Variants in SLC35F5 observed in about 807,000 individuals in gnomAD.
The protein encoded by SLC35F5 is HCV NS5A-transactivated protein 3.
In SLC35F5, 54 loss-of-function variants were observed where a neutral mutation model predicts 68.6. The ratio of observed to expected loss-of-function variants is 0.79; its 90% confidence interval spans 0.63 to 0.99. The LOEUF is 0.99. SLC35F5 is among the 50% of genes least tolerant of loss of function. SLC35F5 has a pLI of 0.00. For synonymous variants in SLC35F5, 211 were observed against 205.2 expected, an observed-to-expected ratio of 1.03 and a Z score of -0.24; for missense variants, 567 against 626.9, an observed-to-expected ratio of 0.90 and a Z score of 1.02.
intron 11 of SLC35F5, 136 bp downstream of exon 11, chr2:113,729,265 T>G (rs747726273): frequency 4.4e-4 from 243 of 547,622 alleles, no homozygotes; most frequent in Non-Finnish European, 1.5e-4. Context: ...GGGACTGGCC[T>G]TCATAATCTT....
intron 14 of SLC35F5, among the ~76,000 whole-genome samples, chr2:113,718,749 C>T (rs1017244045): frequency 6.6e-6 from 1 of 150,748 alleles, no homozygotes; most frequent in Non-Finnish European, 1.5e-5. Context: ...GAGCTGAGAT[C>T]GTGCCATTGC....
intron 6 of SLC35F5, 138 bp downstream of exon 6, chr2:113,743,575 A>G: frequency 1.8e-6 from 1 of 570,844 alleles, no homozygotes; most frequent in African/African-American, 1.8e-5. Context: ...ATCCAGTCAA[A>G]CTTCTAGAAG....
chr2:113,733,327 T>G, intron 9 of SLC35F5: 1 of 299,934 alleles, frequency 3.3e-6, no homozygotes, highest in South Asian at 2.9e-5. Context: ...CTACCTACTT[T>G]AATGAGAAGA....
chr2:113,717,856 GAAA>G lies in SLC35F5; in HGVS notation c.1497-9_1497-7del. Reference sequence around the variant, plus strand: ...GTTCGCTGTCTTCTGGAACTCTTAAGAAAAAAAAAAGCAGTAATTAAGGAAAGC... The same window carrying G: ...GTTCGCTGTCTTCTGGAACTCTTAAGAAAAAAAGCAGTAATTAAGGAAAGC... On this transcript the variant is annotated splice_polypyrimidine_tract_variant and splice_region_variant and intron_variant, in intron 14 of 15. Transcript: ENST00000245680. 7.0e-7 allele frequency: 1 copy of G among 1,433,994 alleles called. No individual in the cohort carries two copies. Among genetic ancestry groups the G allele is most frequent in the South Asian group, 1.3e-5 (1 of 75,734 alleles). 88.8% of individuals were successfully genotyped at this position (1,433,994 alleles called of 1,614,324 possible).
intron 14 of SLC35F5, among the ~76,000 whole-genome samples, chr2:113,718,941 AAGG>A (rs1251787071): frequency 6.7e-6 from 1 of 149,602 alleles, no homozygotes; most frequent in Non-Finnish European, 1.5e-5. Context: ...GAAAGGAAGA[AAGG>A]AAGGAAGGAA....
intron 9 of SLC35F5, 31 bp downstream of exon 9, chr2:113,734,555 G>C: frequency 1.6e-6 from 2 of 1,244,808 alleles, no homozygotes; most frequent in South Asian, 2.6e-5. Context: ...TTTTTAAGCA[G>C]AGCAAACTAG....
chr2:113,755,203 C>G lies in SLC35F5; in HGVS notation c.235G>C (p.Val79Leu). 6.2e-7 allele frequency: 1 copy of G among 1,614,026 alleles called. No homozygotes were observed. The highest frequency in any genetic ancestry group is 2.2e-5 in the East Asian group (1 of 44,876). Residue 79 changes from valine (V) to leucine (L), a missense_variant, in exon 3 of 16, where the codon GTT (valine) becomes CTT (leucine). Coordinates refer to ENST00000245680, the MANE Select transcript of SLC35F5 (RefSeq NM_025181.5). ...MALGIVILLLVDVIWVASSEL... is the reference protein window; with the variant it reads ...MALGIVILLLLDVIWVASSEL... ...GAGGAAGCAACCCATATCACATCAACAAGCAGAAGAATAACAATCCCAAGA... is the reference window on the plus strand; with the variant it reads ...GAGGAAGCAACCCATATCACATCAAGAAGCAGAAGAATAACAATCCCAAGA...
chr2:113,718,865 A>AAAAGAAAGAAAGAAAG (rs765844454), intron 14 of SLC35F5, among the ~76,000 whole-genome samples: 73 of 123,510 alleles, frequency 5.9e-4, no homozygotes, highest in Admixed American at 1.1e-3. Context: ...GAGAGAAAGA[A>AAAAGAAAGAAAGAAAG]AAAGAAAGAA....
In SLC35F5 at chr2:113,714,833, G is replaced by C. The variant is rs940759079; in HGVS notation, c.*385C>G. Reference sequence around the variant, plus strand: ...AATACTGGTCTATGAACACTTAAGTGATTTCTTGAAAACATTTTCATAATA... The same window carrying C: ...AATACTGGTCTATGAACACTTAAGTCATTTCTTGAAAACATTTTCATAATA... On this transcript the variant is annotated 3_prime_UTR_variant, in exon 16 of 16. Transcript: ENST00000245680. 6.6e-6 allele frequency: 1 copy of C among 152,544 alleles called. No homozygotes were observed. Among genetic ancestry groups the C allele is most frequent in the Non-Finnish European group, 1.5e-5 (1 of 67,980 alleles). The allele number at this position is 152,544 out of a possible 1,614,324, so 9.4% of individuals were successfully genotyped here. A position where few individuals can be genotyped will look rare whatever the true frequency, so the allele number is the denominator to read the frequency against.
chr2:113,756,032 T>A (rs886681293), intron 1 of SLC35F5: 1 of 1,488,284 alleles, frequency 6.7e-7, no homozygotes, highest in Admixed American at 2.5e-5. Flanking sequence ...GGATTCTCCA[T>A]GCTCCTCCAC....
intron 12 of SLC35F5, among the ~76,000 whole-genome samples, chr2:113,725,139 C>A (rs1417957412): frequency 6.6e-6 from 1 of 152,264 alleles, no homozygotes; most frequent in African/African-American, 2.4e-5. Context: ...CATTCATATT[C>A]ATTCTTTCAT....
At chr2:113,720,465 T>C (rs1687387994) in intron 13 of SLC35F5, among the ~76,000 whole-genome samples, 1 of 152,098 alleles carries the variant, frequency 6.6e-6, no homozygotes, top group African/African-American at 2.4e-5. Context: ...GAACTCACAA[T>C]GCATAACACA....
intron 1 of SLC35F5, chr2:113,756,126 G>GT (rs1676975037): frequency 6.9e-7 from 1 of 1,446,106 alleles, no homozygotes; most frequent in African/African-American, 1.4e-5. Flanking sequence ...GGGGAAGACA[G>GT]TTAAGGCAGC....
intron 7 of SLC35F5, among the ~76,000 whole-genome samples, chr2:113,737,014 T>C (rs1482985272): frequency 6.6e-6 from 1 of 152,212 alleles, no homozygotes; most frequent in Non-Finnish European, 1.5e-5. Flanking sequence ...GGTGCATAAG[T>C]ACATGAGTGT....
At position 113,709,533 on chromosome 2, in the gene SLC35F5, T is replaced by G. The variant is rs1381965559; in HGVS notation, c.*5685A>C. ...ATTAGAGTTTCTCATTCTCACAGTC[T>G]CAGGCAGGTTGCATTAACCTCCACT... On this transcript the variant is annotated 3_prime_UTR_variant, in exon 16 of 16. Transcript: ENST00000245680. Among the ~76,000 whole-genome samples the G allele has an allele frequency of 6.6e-6, 1 of 152,182 alleles. No homozygotes were observed. The highest frequency in any genetic ancestry group is 1.5e-5 in the Non-Finnish European group (1 of 68,030).
In SLC35F5 at chr2:113,711,216, T is replaced by C. The variant is rs1686971174; in HGVS notation, c.*4002A>G. ...TGCTGTTATTGGAAATGTTACCATT[T>C]CACATGAACATTCCAGTAAATATGC... On this transcript the variant is annotated 3_prime_UTR_variant, in exon 16 of 16. Transcript: ENST00000245680. Among the ~76,000 whole-genome samples the C allele has an allele frequency of 6.6e-6, 1 of 152,198 alleles. No individual in the cohort carries two copies. The highest frequency in any genetic ancestry group is 2.1e-4 in the South Asian group (1 of 4,832).
chr2:113,750,415 A>G lies in SLC35F5; in HGVS notation c.417+10T>C, dbSNP rs781533429. 6.3e-7 allele frequency: 1 copy of G among 1,588,450 alleles called. No homozygotes were observed. The highest frequency in any genetic ancestry group is 8.6e-7 in the Non-Finnish European group (1 of 1,168,840). On this transcript the variant is annotated intron_variant, in intron 4 of 15. Coordinates refer to ENST00000245680, the MANE Select transcript of SLC35F5 (RefSeq NM_025181.5). ...CCCTTCCTAACAGACAGTTAAAATT[A>G]AAAACTTACAAAAGCAGCATGCTTT...
At position 113,711,866 on chromosome 2, in the gene SLC35F5, T is replaced by A. The variant is rs959650701; in HGVS notation, c.*3352A>T. Among the ~76,000 whole-genome samples, 20 of 152,090 alleles carry A rather than the reference T, an allele frequency of 1.3e-4. No individual in the cohort carries two copies. The highest frequency in any genetic ancestry group is 3.9e-4 in the African/African-American group (16 of 41,396). On this transcript the variant is annotated 3_prime_UTR_variant, in exon 16 of 16. Coordinates refer to ENST00000245680, the MANE Select transcript of SLC35F5 (RefSeq NM_025181.5). ...TTATTTGCTAATATGTGGAAAAAAATTTTCTAATTAATTCCTCCTTTATCC... is the reference window on the plus strand; with the variant it reads ...TTATTTGCTAATATGTGGAAAAAAAATTTCTAATTAATTCCTCCTTTATCC...
Position 113,725,501 on chromosome 2 carries a change from G to A in SLC35F5, c.1127C>T (p.Pro376Leu), listed in dbSNP as rs140295335. Residue 376 changes from proline (P) to leucine (L), a missense_variant, in exon 12 of 16, where the codon CCA (proline) becomes CTA (leucine). Pro to Leu is a moderately conservative substitution (Grantham distance 98). Transcript: ENST00000245680. ...VGLFNLLLLW[P>L]GFFLLHYTGF... ...AGTATAATGAAGTAAAAAGAAACCT[G>A]GCCATAAGAGCAGCAGATTAAACAA... 16 of 1,598,138 alleles carry A rather than the reference G, an allele frequency of 1.0e-5. No individual in the cohort carries two copies. The highest frequency in any genetic ancestry group is 1.4e-5 in the Non-Finnish European group (16 of 1,176,294).
Sources: allele counts gnomAD v4.1 joint callset (sites outside exome capture counted in the v4.1 genomes callset), GRCh38; gene constraint gnomAD v4.1.1; transcripts MANE v1.5; gene names NCBI Gene and HGNC (gene_info 2026-07-23, HGNC 2026-07-21).